KIF16B: variants seen among roughly 807,000 people sequenced by gnomAD.
The protein encoded by KIF16B is kinesin-like protein KIF16B.
KIF16B carries 98 observed loss-of-function variants against 156.3 expected under a neutral mutation model. The observed-to-expected ratio is 0.63, with a 90% CI of 0.53 to 0.74. KIF16B has a LOEUF of 0.74. KIF16B is among the 30% of genes least tolerant of loss of function. The pLI is 0.00. For missense variants in KIF16B, 1,421 were observed against 1,606.5 expected, an observed-to-expected ratio of 0.88 and a Z score of 1.97; for synonymous variants, 564 against 583.7, an observed-to-expected ratio of 0.97 and a Z score of 0.49.
At chr20:16,409,542 A>T (rs1189321765) in intron 15 of KIF16B, among the ~76,000 whole-genome samples, 12 of 152,090 alleles carry the variant, frequency 7.9e-5, no homozygotes, top group Non-Finnish European at 1.5e-5. Context: ...AAGGCCAAAC[A>T]GGGCAAGAGT....
At chr20:16,298,767 T>C (rs1363796087) in intron 25 of KIF16B, among the ~76,000 whole-genome samples, 1 of 152,182 alleles carries the variant, frequency 6.6e-6, no homozygotes, top group Non-Finnish European at 1.5e-5. Context: ...CTGAACTTAA[T>C]CAAGCCTCTG....
At chr20:16,325,111 A>G (rs1351899669) in intron 24 of KIF16B, among the ~76,000 whole-genome samples, 1 of 152,086 alleles carries the variant, frequency 6.6e-6, no homozygotes, top group African/African-American at 2.4e-5. Context: ...TCGCTTTATG[A>G]TTAAAACCCT....
intron 15 of KIF16B, among the ~76,000 whole-genome samples, chr20:16,416,710 T>C (rs2066097199): frequency 6.7e-6 from 1 of 149,054 alleles, no homozygotes; most frequent in Non-Finnish European, 1.5e-5. Context: ...ATCCTGCATA[T>C]GTACCCCAGA....
intron 25 of KIF16B, among the ~76,000 whole-genome samples, chr20:16,279,470 T>C (rs1057347861): frequency 1.3e-5 from 2 of 152,180 alleles, no homozygotes; most frequent in African/African-American, 4.8e-5. Flanking sequence ...GTGACAGTCA[T>C]TTTCTACTGT....
chr20:16,382,183 A>G (rs1364268046), intron 17 of KIF16B: 7 of 1,176,174 alleles, frequency 6.0e-6, no homozygotes, highest in Non-Finnish European at 8.0e-6. Flanking sequence ...ACAGACATCA[A>G]TTAAGGAAAG....
intron 23 of KIF16B, among the ~76,000 whole-genome samples, chr20:16,336,894 T>C (rs1470867812): frequency 6.6e-6 from 1 of 152,212 alleles, no homozygotes; most frequent in Non-Finnish European, 1.5e-5. Flanking sequence ...CATTTGACTT[T>C]AGGCCTTTGG....
intron 1 of KIF16B, among the ~76,000 whole-genome samples, chr20:16,563,455 C>T (rs2071142391): frequency 6.6e-6 from 1 of 152,232 alleles, no homozygotes; most frequent in South Asian, 2.1e-4. Context: ...AACATATTCT[C>T]TTTCACAAAA....
At chr20:16,470,707 G>A (rs1207416264) in intron 12 of KIF16B, among the ~76,000 whole-genome samples, 1 of 150,094 alleles carries the variant, frequency 6.7e-6, no homozygotes, top group Non-Finnish European at 1.5e-5. Flanking sequence ...ATGTTGCCCA[G>A]GCTGGTCTTG....
At chr20:16,423,366 A>G (rs1453157029) in intron 15 of KIF16B, among the ~76,000 whole-genome samples, 1 of 152,220 alleles carries the variant, frequency 6.6e-6, no homozygotes, top group Non-Finnish European at 1.5e-5. Context: ...TTTTAAAAGT[A>G]ACAAAATTAC....
At chr20:16,538,441 T>TG (rs1425863979) in intron 1 of KIF16B, among the ~76,000 whole-genome samples, 6 of 152,226 alleles carry the variant, frequency 3.9e-5, no homozygotes, top group African/African-American at 1.4e-4. Context: ...TGCCTCTCCC[T>TG]GGCCACTTTG....
intron 6 of KIF16B, among the ~76,000 whole-genome samples, chr20:16,508,472 T>C (rs905958950): frequency 1.3e-5 from 2 of 152,128 alleles, no homozygotes; most frequent in Non-Finnish European, 2.9e-5. Context: ...GGGGAACAGA[T>C]TCGGGATGAA....
At chr20:16,512,718 T>G in intron 5 of KIF16B, 108 bp downstream of exon 5, 1 of 674,398 alleles carries the variant, frequency 1.5e-6, no homozygotes, top group Admixed American at 2.6e-5. Context: ...GGGAAGACTT[T>G]TTCTTTAGGA....
intron 19 of KIF16B, 38 bp downstream of exon 19, chr20:16,378,767 C>T (rs369367880): frequency 1.3e-6 from 2 of 1,528,906 alleles, no homozygotes; most frequent in Non-Finnish European, 1.8e-6. Flanking sequence ...ACTCATTTGG[C>T]ACCCACTGTA....
At chr20:16,563,090 A>G (rs1292411858) in intron 1 of KIF16B, among the ~76,000 whole-genome samples, 1 of 152,252 alleles carries the variant, frequency 6.6e-6, no homozygotes, top group Non-Finnish European at 1.5e-5. Flanking sequence ...CTATAAATAA[A>G]TGACTGATCA....
At chr20:16,533,414 A>G (rs1283205489) in intron 1 of KIF16B, among the ~76,000 whole-genome samples, 1 of 152,208 alleles carries the variant, frequency 6.6e-6, no homozygotes, top group African/African-American at 2.4e-5. Flanking sequence ...AATGATTCTG[A>G]TGAACGTTAA....
chr20:16,313,017 C>T (rs969590231), intron 24 of KIF16B, among the ~76,000 whole-genome samples: 1 of 151,982 alleles, frequency 6.6e-6, no homozygotes, highest in Non-Finnish European at 1.5e-5. Flanking sequence ...TTTGTTTAGC[C>T]TGATCTTAGC....
intron 12 of KIF16B, among the ~76,000 whole-genome samples, chr20:16,493,015 G>A (rs2068342445): frequency 6.6e-6 from 1 of 152,122 alleles, no homozygotes; most frequent in Non-Finnish European, 1.5e-5. Flanking sequence ...TGACTATTCT[G>A]AAATATGAAC....
At chr20:16,275,799 C>A (rs916199490) in intron 25 of KIF16B, among the ~76,000 whole-genome samples, 1 of 152,110 alleles carries the variant, frequency 6.6e-6, no homozygotes, top group Non-Finnish European at 1.5e-5. Context: ...CACTTTTCTG[C>A]GGGAAGGGAC....
chr20:16,437,531 AG>A (rs1271197306), intron 12 of KIF16B, among the ~76,000 whole-genome samples: 1 of 152,324 alleles, frequency 6.6e-6, no homozygotes, highest in South Asian at 2.1e-4. Flanking sequence ...ACACCCCTTG[AG>A]AGTCACGGGA....
Sources: gnomAD v4.1 joint callset for allele counts (sites outside exome capture counted in the v4.1 genomes callset) on GRCh38, gnomAD v4.1.1 for gene constraint, MANE v1.5 for transcripts, NCBI Gene and HGNC (gene_info 2026-07-23, HGNC 2026-07-21) for gene names.